Variants in PDE1C observed in about 807,000 individuals in gnomAD.
PDE1C encodes the protein phosphodiesterase 1C, also known as dual specificity calcium/calmodulin-dependent 3',5'-cyclic nucleotide phosphodiesterase 1C.
Under a neutral mutation model 93.1 loss-of-function variants are expected in PDE1C, and 62 were observed. The observed-to-expected ratio is 0.67, with a 90% confidence interval of 0.54 to 0.82. PDE1C has a LOEUF of 0.82. Ranked by LOEUF, PDE1C falls within the 40% of genes least tolerant of loss-of-function variation. The pLI, the probability that PDE1C is intolerant of heterozygous loss-of-function variation, is 0.00. For synonymous variants in PDE1C, 325 were observed against 310.1 expected (o/e 1.05, Z -0.50); for missense variants, 742 against 884.6 (o/e 0.84, Z 2.04).
At position 32,070,275 on chromosome 7, in the gene PDE1C, G is replaced by T; in HGVS notation, c.101+18C>A. ...GGGAGCGGGAAATGGGGCAGGAGAA[G>T]TAAATAGGTATACTTACAGCCCGCG... On this transcript the variant is annotated intron_variant, in intron 1 of 17. Transcript: ENST00000396191. 3 of 1,614,060 alleles carry T rather than the reference G, an allele frequency of 1.9e-6. No individual in the cohort carries two copies. The highest frequency in any genetic ancestry group is 2.5e-6 in the Non-Finnish European group (3 of 1,179,968).
intron 2 of PDE1C, among the ~76,000 whole-genome samples, chr7:31,897,759 G>A (rs1047352613): frequency 2.6e-5 from 4 of 152,150 alleles, no homozygotes; most frequent in African/African-American, 4.8e-5. Flanking sequence ...TGTTTTTCCT[G>A]AATAAAGCAT....
rs1278096529 is a variant in PDE1C at position 31,848,089 on chromosome 7, GATCAGACCT to G, written c.852-2_858del. The G allele has an allele frequency of 6.2e-7, 1 of 1,612,398 alleles. No individual in the cohort carries two copies. The highest frequency in any genetic ancestry group is 8.5e-7 in the Non-Finnish European group (1 of 1,179,172). On this transcript the variant is annotated splice_acceptor_variant and coding_sequence_variant, in exon 9 of 18. Coordinates refer to ENST00000396191, the MANE Select transcript of PDE1C (RefSeq NM_001191057.4). LOFTEE classifies it high-confidence loss of function. The stretch of plus-strand genomic sequence containing the variant: ...GATCTGTCATTATACAGAATAGCTG[GATCAGACCT>G]GAACAGAAAGCCAAGCAAAATTCAG...
rs544871916 is a variant in PDE1C, at chr7:32,084,079, C to G, written c.308+85706G>C. Among the ~76,000 whole-genome samples the G allele has an allele frequency of 3.3e-5, 5 of 152,128 alleles. No individual in the cohort carries two copies. The South Asian group carries it at 1.0e-3, about 32-fold the overall frequency. On this transcript the variant is annotated intron_variant, in intron 3 of 18. Transcript: ENST00000396193. The stretch of plus-strand genomic sequence containing the variant: ...GGCAAATTGGATAAAGAGTCATGAC[C>G]CATCAGTGTGCTGTATTCAGGAAAC...
chr7:31,710,934 G>C, the PDE1C span, among the ~76,000 whole-genome samples: 8 of 152,172 alleles, frequency 5.3e-5, no homozygotes, highest in Non-Finnish European at 8.8e-5. Context: ...TATTTATGGG[G>C]AAAACAATGT....
intron 1 of PDE1C, among the ~76,000 whole-genome samples, chr7:32,210,446 G>A (rs6462343): frequency 0.39 from 59,258 of 152,048 alleles, 11,854 homozygotes; most frequent in East Asian, 0.54. Context: ...GATTGCTAAC[G>A]TCATCATGAA....
At chr7:32,064,032 G>C (rs1795102072) in intron 1 of PDE1C, among the ~76,000 whole-genome samples, 2 of 152,170 alleles carry the variant, frequency 1.3e-5, no homozygotes, top group South Asian at 4.1e-4. Flanking sequence ...GAATGGGAGA[G>C]TAAAAGGACC....
chr7:32,223,230 T>A (rs1368283160), intron 1 of PDE1C, among the ~76,000 whole-genome samples: 2 of 152,226 alleles, frequency 1.3e-5, no homozygotes, highest in East Asian at 3.8e-4. Context: ...TTTCACTTGT[T>A]TTTCAAGCCT....
chr7:32,065,564 T>C (rs11771282), intron 1 of PDE1C, among the ~76,000 whole-genome samples: 10,869 of 152,240 alleles, frequency 0.071, 426 homozygotes, highest in African/African-American at 0.083. Flanking sequence ...TGCTGAAAGT[T>C]AAGTAAGTAT....
At chr7:31,898,162 A>T (rs571110907) in intron 2 of PDE1C, among the ~76,000 whole-genome samples, 16 of 152,040 alleles carry the variant, frequency 1.1e-4, no homozygotes, top group Non-Finnish European at 1.3e-4. Flanking sequence ...TATCATTAGA[A>T]ATTCCTTTCA....
chr7:31,629,503 A>G, the PDE1C span, among the ~76,000 whole-genome samples: 7 of 152,192 alleles, frequency 4.6e-5, no homozygotes, highest in African/African-American at 1.7e-4. Flanking sequence ...CCCTCTGAAC[A>G]TATTACTCTA....
intron 9 of PDE1C, among the ~76,000 whole-genome samples, chr7:31,845,420 C>G (rs10951308): frequency 6.6e-6 from 1 of 151,864 alleles, no homozygotes; most frequent in Non-Finnish European, 1.5e-5. Flanking sequence ...TTTTAGCAGG[C>G]AATTAACTTG....
At chr7:31,896,046 GCC>G (rs1405491332) in intron 2 of PDE1C, among the ~76,000 whole-genome samples, 4 of 115,184 alleles carry the variant, frequency 3.5e-5, no homozygotes, top group African/African-American at 9.2e-5. Context: ...CACACAAACT[GCC>G]CCATCACCCA....
chr7:32,419,129 G>T (rs1237496785), intron 1 of PDE1C, among the ~76,000 whole-genome samples: 1 of 152,120 alleles, frequency 6.6e-6, no homozygotes, highest in African/African-American at 2.4e-5. Context: ...CTTTACTCAG[G>T]TTCAAGGAGT....
At chr7:32,250,444 T>C (rs1045003824) in intron 1 of PDE1C, among the ~76,000 whole-genome samples, 1 of 152,194 alleles carries the variant, frequency 6.6e-6, no homozygotes, top group Non-Finnish European at 1.5e-5. Context: ...TGGGTCCATC[T>C]CAGACCAATT....
At chr7:31,772,443 C>T (rs1273788829) in intron 17 of PDE1C, among the ~76,000 whole-genome samples, 1 of 152,072 alleles carries the variant, frequency 6.6e-6, no homozygotes, top group African/African-American at 2.4e-5. Context: ...GATTCAAGCT[C>T]CTTCCTGCCA....
intron 1 of PDE1C, among the ~76,000 whole-genome samples, chr7:32,217,226 C>T (rs1014314057): frequency 4.6e-5 from 7 of 152,310 alleles, no homozygotes; most frequent in Middle Eastern, 3.4e-3. Context: ...TGAACCAGTA[C>T]AACTCACAAA....
intron 2 of PDE1C, among the ~76,000 whole-genome samples, chr7:31,998,769 T>C (rs1433842749): frequency 1.3e-5 from 2 of 152,220 alleles, no homozygotes; most frequent in African/African-American, 4.8e-5. Context: ...CCAAAATTTA[T>C]TTCCACAGCC....
intron 2 of PDE1C, among the ~76,000 whole-genome samples, chr7:31,904,353 C>A (rs1332898322): frequency 9.3e-5 from 14 of 151,260 alleles, no homozygotes; most frequent in Admixed American, 2.6e-4. Context: ...GAGCAAATCA[C>A]CCAAAATAAA....
chr7:32,293,444 G>A (rs531633795), intron 1 of PDE1C, among the ~76,000 whole-genome samples: 1 of 152,258 alleles, frequency 6.6e-6, no homozygotes, highest in East Asian at 1.9e-4. Context: ...GCTGTGAAGT[G>A]GCATACACCG....
Sources: allele counts gnomAD v4.1 joint callset (sites outside exome capture counted in the v4.1 genomes callset), GRCh38; gene constraint gnomAD v4.1.1; transcripts MANE v1.5; gene names NCBI Gene and HGNC (gene_info 2026-07-23, HGNC 2026-07-21).